Variants in IGF2BP2 observed in about 807,000 individuals in gnomAD.
The protein encoded by IGF2BP2 is insulin like growth factor 2 mRNA binding protein 2, also known as insulin-like growth factor 2 mRNA-binding protein 2.
Under a neutral mutation model 75.8 loss-of-function variants are expected in IGF2BP2, and 17 were observed. The ratio of observed to expected loss-of-function variants is 0.22; its 90% CI spans 0.15 to 0.34. The LOEUF (loss-of-function observed/expected upper bound fraction) is 0.34, where lower values mean the gene tolerates loss of function less well. Among genes scored for constraint, IGF2BP2 ranks in the 10% least tolerant of loss-of-function variants. IGF2BP2 has a pLI of 1.00. For synonymous variants in IGF2BP2, 288 were observed against 295.6 expected (o/e 0.97, Z 0.26); for missense variants, 516 against 772.4 (o/e 0.67, Z 3.93).
At chr3:185,811,870 CTCT>C (rs1739919927) in intron 2 of IGF2BP2, among the ~76,000 whole-genome samples, 1 of 53,696 alleles carries the variant, frequency 1.9e-5, no homozygotes, top group Admixed American at 1.4e-4. Context: ...CTCTCTCTCT[CTCT>C]CTCTCCCCCT....
intron 2 of IGF2BP2, among the ~76,000 whole-genome samples, chr3:185,699,430 A>C (rs777974325): frequency 6.6e-6 from 1 of 152,176 alleles, no homozygotes; most frequent in Non-Finnish European, 1.5e-5. Flanking sequence ...TTACCTAACA[A>C]GGCAAAATGC....
chr3:185,806,721 T>C (rs1222902646), intron 2 of IGF2BP2, among the ~76,000 whole-genome samples: 2 of 152,216 alleles, frequency 1.3e-5, no homozygotes, highest in Non-Finnish European at 2.9e-5. Context: ...AACATGGATA[T>C]GCTTGACATC....
chr3:185,823,327 G>C, intron 1 of IGF2BP2, 114 bp from the exon 2 acceptor site: 1 of 703,004 alleles, frequency 1.4e-6, no homozygotes. Context: ...CGCCCCCAAG[G>C]GGTCTCCTAC....
intron 2 of IGF2BP2, among the ~76,000 whole-genome samples, chr3:185,735,590 C>T (rs1728752904): frequency 1.3e-5 from 2 of 152,134 alleles, no homozygotes; most frequent in Admixed American, 1.3e-4. Flanking sequence ...CATGCCAAGT[C>T]CTTGGTCAAG....
chr3:185,798,967 G>C (rs1305636680), intron 2 of IGF2BP2, among the ~76,000 whole-genome samples: 1 of 151,606 alleles, frequency 6.6e-6, no homozygotes, highest in Non-Finnish European at 1.5e-5. Flanking sequence ...TGTAGCAACG[G>C]GTTTCACCAT....
At chr3:185,658,850 AAG>A (rs1394128126) in intron 10 of IGF2BP2, among the ~76,000 whole-genome samples, 3 of 152,164 alleles carry the variant, frequency 2.0e-5, no homozygotes, top group Non-Finnish European at 4.4e-5. Flanking sequence ...GACAATACCC[AAG>A]AGTTATTCAG....
chr3:185,701,807 C>T (rs1284029009), intron 2 of IGF2BP2, among the ~76,000 whole-genome samples: 1 of 152,118 alleles, frequency 6.6e-6, no homozygotes, highest in Non-Finnish European at 1.5e-5. Context: ...TACGGTAGAA[C>T]CAACTAACCT....
chr3:185,666,463 G>A (rs867662291), intron 10 of IGF2BP2, among the ~76,000 whole-genome samples: 3 of 152,046 alleles, frequency 2.0e-5, no homozygotes, highest in Non-Finnish European at 4.4e-5. Flanking sequence ...GTGAAACCCC[G>A]TCTCTACTAA....
At chr3:185,786,125 G>GC (rs1735855346) in intron 2 of IGF2BP2, among the ~76,000 whole-genome samples, 1 of 149,392 alleles carries the variant, frequency 6.7e-6, no homozygotes, top group South Asian at 2.2e-4. Context: ...CACTACCCCC[G>GC]CCAAGAAATT....
intron 2 of IGF2BP2, among the ~76,000 whole-genome samples, chr3:185,742,821 C>A (rs1261562789): frequency 6.6e-6 from 1 of 152,204 alleles, no homozygotes. Context: ...TGCATTGCGG[C>A]CAGGCACAGC....
chr3:185,689,634 T>C lies in IGF2BP2; in HGVS notation c.405-7A>G, dbSNP rs1391782238. On this transcript the variant is annotated splice_polypyrimidine_tract_variant and splice_region_variant and intron_variant, in intron 5 of 15. Coordinates refer to ENST00000382199, the MANE Select transcript of IGF2BP2 (RefSeq NM_006548.6). ...GCTTAGCTTCTCCATGGCTCTGAAA[T>C]GCAGCAGGACAGGGGAGCTTCGTCA... The C allele has an allele frequency of 1.2e-6, 2 of 1,613,968 alleles. No homozygotes were observed. The highest frequency in any genetic ancestry group is 1.7e-6 in the Non-Finnish European group (2 of 1,179,906).
intron 14 of IGF2BP2, 62 bp downstream of exon 14, chr3:185,649,341 T>C (rs1429353053): frequency 1.9e-6 from 3 of 1,592,704 alleles, no homozygotes; most frequent in South Asian, 1.1e-5. Context: ...CTGAGGGAAC[T>C]CAGGCAAGGC....
intron 14 of IGF2BP2, among the ~76,000 whole-genome samples, chr3:185,648,338 C>T (rs1169382074): frequency 5.3e-5 from 8 of 151,862 alleles, no homozygotes; most frequent in Admixed American, 5.3e-4. Flanking sequence ...TGGCGGGCGC[C>T]TGCAGTCCCA....
At chr3:185,671,011 T>C (rs759658975) in intron 10 of IGF2BP2, among the ~76,000 whole-genome samples, 2 of 152,248 alleles carry the variant, frequency 1.3e-5, no homozygotes, top group African/African-American at 2.4e-5. Context: ...CAAGAAATGA[T>C]GATGTGCCTC....
Position 185,677,068 on chromosome 3 carries a change from T to TAGAGAGAGAGAG in IGF2BP2, c.813-1167_813-1156dup, listed in dbSNP as rs71164535. 1.1e-3 allele frequency among the ~76,000 whole-genome samples: 40 copies of TAGAGAGAGAGAG among 35,848 alleles called. 1 individual carries two copies. Among genetic ancestry groups the TAGAGAGAGAGAG allele is most frequent in the African/African-American group, 1.9e-3 (12 of 6,396 alleles). 23.5% of individuals were successfully genotyped at this position (35,848 alleles called of 152,430 possible). On this transcript the variant is annotated intron_variant, in intron 7 of 15. Transcript: ENST00000382199. ...AGATATATATATATATATATATATA[T>TAGAGAGAGAGAG]AGAGAGAGAGAGAGAGAGAGAGAGA... is the stretch of plus-strand genomic sequence containing the variant.
chr3:185,686,299 A>G (rs751608670), intron 7 of IGF2BP2, among the ~76,000 whole-genome samples: 17 of 152,004 alleles, frequency 1.1e-4, no homozygotes, highest in Non-Finnish European at 2.4e-4. Flanking sequence ...CAGGAGAATC[A>G]CTTGAACCCA....
chr3:185,783,407 G>A (rs1043518006), intron 2 of IGF2BP2, among the ~76,000 whole-genome samples: 3 of 152,212 alleles, frequency 2.0e-5, no homozygotes, highest in African/African-American at 7.2e-5. Flanking sequence ...GAAAGCCACT[G>A]TGATTGCCAA....
intron 2 of IGF2BP2, among the ~76,000 whole-genome samples, chr3:185,816,599 G>A (rs938087846): frequency 1.1e-4 from 17 of 152,284 alleles, no homozygotes; most frequent in African/African-American, 3.9e-4. Flanking sequence ...CAAAAGACCT[G>A]GGTTCTAGCC....
chr3:185,804,332 T>C (rs1738695348), intron 2 of IGF2BP2, among the ~76,000 whole-genome samples: 1 of 150,608 alleles, frequency 6.6e-6, no homozygotes, highest in East Asian at 2.0e-4. Context: ...CTCGGGAGGC[T>C]GAGGCAGGAG....
Sources: gnomAD v4.1 joint callset for allele counts (sites outside exome capture counted in the v4.1 genomes callset) on GRCh38, gnomAD v4.1.1 for gene constraint, MANE v1.5 for transcripts, NCBI Gene and HGNC (gene_info 2026-07-23, HGNC 2026-07-21) for gene names.